GPR176: variants seen among roughly 807,000 people sequenced by gnomAD.
The protein encoded by GPR176 is G protein-coupled receptor 176.
In GPR176, 26 loss-of-function variants were observed where a neutral mutation model predicts 35.4. The observed-to-expected ratio is 0.74, with a 90% CI of 0.54 to 1.02. The LOEUF (loss-of-function observed/expected upper bound fraction) is 1.02. Among genes scored for constraint, GPR176 ranks in the 50% least tolerant of loss-of-function variants. The pLI, the probability that GPR176 is intolerant of heterozygous loss-of-function variation, is 0.00. For missense variants in GPR176, 597 were observed against 665.3 expected, an observed-to-expected ratio of 0.90 and a Z score of 1.13; for synonymous variants, 278 against 271.3, an observed-to-expected ratio of 1.02 and a Z score of -0.24.
intron 1 of GPR176, among the ~76,000 whole-genome samples, chr15:39,899,529 A>G (rs1595518008): frequency 6.6e-6 from 1 of 152,318 alleles, no homozygotes. Flanking sequence ...TACAGATAAT[A>G]AGAAAGGAAC....
At chr15:39,846,079 T>C (rs1195768354) in intron 1 of GPR176, among the ~76,000 whole-genome samples, 1 of 152,170 alleles carries the variant, frequency 6.6e-6, no homozygotes, top group Non-Finnish European at 1.5e-5. Context: ...TTTTTGAAAA[T>C]ATCGTTCTGG....
intron 1 of GPR176, among the ~76,000 whole-genome samples, chr15:39,818,344 T>G (rs558912789): frequency 5.9e-5 from 9 of 152,368 alleles, no homozygotes; most frequent in African/African-American, 1.9e-4. Flanking sequence ...GGAGTTGAAT[T>G]AACAGGAAGA....
chr15:39,920,245 G>T lies in GPR176; in HGVS notation c.-219C>A. The T allele has an allele frequency of 5.1e-6, 2 of 392,026 alleles. No homozygotes were observed. The highest frequency in any genetic ancestry group is 9.0e-6 in the Non-Finnish European group (2 of 221,660). 24.3% of individuals were successfully genotyped at this position (392,026 alleles called of 1,614,324 possible). On this transcript the variant is annotated 5_prime_UTR_variant, in exon 1 of 3. Transcript: ENST00000561100. The stretch of plus-strand genomic sequence containing the variant: ...TGCGCCCCATGCCCACTCCCTCCTG[G>T]ATCCCAGTCAGCAGCCACAAGAAGG...
Position 39,800,788 on chromosome 15 carries a change from G to A in GPR176, c.*344C>T. 4.6e-6 allele frequency: 1 copy of A among 218,634 alleles called. No individual in the cohort carries two copies. The highest frequency in any genetic ancestry group is 9.1e-6 in the Non-Finnish European group (1 of 109,478). 13.5% of individuals were successfully genotyped at this position (218,634 alleles called of 1,614,324 possible). A position where few individuals can be genotyped will look rare whatever the true frequency, so the allele number is the denominator to read the frequency against. ...TGTGAGCTCTGAAAGTCTTCTCTCT[G>A]TGTGTTCTCTGCAGAGCCCAGGGAA... On this transcript the variant is annotated 3_prime_UTR_variant, in exon 3 of 3. Transcript: ENST00000561100.
chr15:39,876,373 T>C (rs1253194963), intron 1 of GPR176, among the ~76,000 whole-genome samples: 1 of 152,094 alleles, frequency 6.6e-6, no homozygotes, highest in Non-Finnish European at 1.5e-5. Context: ...CTTAAATCCA[T>C]TGCTACTACC....
rs367870804 is a variant in GPR176, at chr15:39,810,194, T to C, written c.173-2936A>G. The stretch of plus-strand genomic sequence containing the variant: ...AAATAATCTGTACAACAAACCCCCA[T>C]GGCACATGTTTACCTATGGAACAGA... On this transcript the variant is annotated intron_variant, in intron 1 of 2. Transcript: ENST00000561100. 2.0e-5 allele frequency among the ~76,000 whole-genome samples: 3 copies of C among 150,376 alleles called. No individual in the cohort carries two copies. The East Asian group carries it at 5.8e-4, about 29-fold the overall frequency.
At chr15:39,852,570 A>C (rs1366859489) in intron 1 of GPR176, among the ~76,000 whole-genome samples, 1 of 152,242 alleles carries the variant, frequency 6.6e-6, no homozygotes, top group Non-Finnish European at 1.5e-5. Flanking sequence ...ATGCAAAGTC[A>C]TAGAGGAATC....
intron 1 of GPR176, among the ~76,000 whole-genome samples, chr15:39,876,941 A>G (rs1170653883): frequency 6.6e-6 from 1 of 152,200 alleles, no homozygotes; most frequent in Non-Finnish European, 1.5e-5. Context: ...CTGTTCCTTC[A>G]AAGTAGTCTT....
chr15:39,834,227 T>C (rs534250248), intron 1 of GPR176, among the ~76,000 whole-genome samples: 1 of 152,286 alleles, frequency 6.6e-6, no homozygotes, highest in African/African-American at 2.4e-5. Flanking sequence ...GCTCTGAATA[T>C]TTCCAATTTA....
chr15:39,808,649 G>GT (rs1210662515), intron 1 of GPR176, among the ~76,000 whole-genome samples: 1 of 152,154 alleles, frequency 6.6e-6, no homozygotes, highest in Non-Finnish European at 1.5e-5. Context: ...AAGAAAAACT[G>GT]TATCAATCTT....
At chr15:39,915,457 A>T (rs550627471) in intron 1 of GPR176, among the ~76,000 whole-genome samples, 5 of 152,336 alleles carry the variant, frequency 3.3e-5, no homozygotes, top group East Asian at 3.8e-4. Flanking sequence ...GGGCTTCAAC[A>T]TATGAATTTG....
intron 1 of GPR176, among the ~76,000 whole-genome samples, chr15:39,811,638 G>C (rs1016765805): frequency 6.6e-6 from 1 of 152,020 alleles, no homozygotes; most frequent in East Asian, 1.9e-4. Context: ...TTCCAGATTC[G>C]GGGTGTGGTG....
At chr15:39,803,675 C>A (rs1350688988) in intron 2 of GPR176, among the ~76,000 whole-genome samples, 1 of 152,110 alleles carries the variant, frequency 6.6e-6, no homozygotes, top group Non-Finnish European at 1.5e-5. Context: ...TGTCTCTAAA[C>A]CCAACGGGGA....
At chr15:39,854,160 G>A (rs1485276075) in intron 1 of GPR176, among the ~76,000 whole-genome samples, 1 of 152,034 alleles carries the variant, frequency 6.6e-6, no homozygotes, top group Non-Finnish European at 1.5e-5. Flanking sequence ...CCCAGAGCAA[G>A]ACTTTCCTGA....
chr15:39,919,374 A>G (rs1310417059), intron 1 of GPR176, among the ~76,000 whole-genome samples: 1 of 152,216 alleles, frequency 6.6e-6, no homozygotes, highest in Non-Finnish European at 1.5e-5. Flanking sequence ...AGCACGCAGT[A>G]AAACACGCAC....
chr15:39,812,226 C>G (rs1195146664), intron 1 of GPR176, among the ~76,000 whole-genome samples: 1 of 152,106 alleles, frequency 6.6e-6, no homozygotes, highest in Non-Finnish European at 1.5e-5. Context: ...TTTGGGTGTG[C>G]CTGTGAGGGT....
intron 1 of GPR176, among the ~76,000 whole-genome samples, chr15:39,811,115 T>G (rs1001612295): frequency 6.6e-6 from 1 of 152,232 alleles, no homozygotes; most frequent in Non-Finnish European, 1.5e-5. Context: ...AGCATATAGT[T>G]GGCTCTTGCT....
In GPR176 at chr15:39,857,074, T is replaced by C. The variant is rs1038415290; in HGVS notation, c.173-49816A>G. On this transcript the variant is annotated intron_variant, in intron 1 of 2. Coordinates refer to ENST00000561100, the MANE Select transcript of GPR176 (RefSeq NM_007223.3). ...TTGGTTGAGTTTGGGGAAAGCTGTCTAACTGTATATAGCTCACATAGATGT... is the reference window on the plus strand; with the variant it reads ...TTGGTTGAGTTTGGGGAAAGCTGTCCAACTGTATATAGCTCACATAGATGT... 9.8e-5 allele frequency among the ~76,000 whole-genome samples: 15 copies of C among 152,328 alleles called. No individual in the cohort carries two copies. The East Asian group carries it at 2.9e-3, about 29-fold the overall frequency.
chr15:39,817,068 C>CTCAAAAAAAAAAAAAAA (rs1899958220), intron 1 of GPR176, among the ~76,000 whole-genome samples: 2 of 77,294 alleles, frequency 2.6e-5, no homozygotes, highest in African/African-American at 1.2e-4. Flanking sequence ...GATTCTGTCT[C>CTCAAAAAAAAAAAAAAA]AAAAAAAAAA....
Sources: gnomAD v4.1 joint callset for allele counts (sites outside exome capture counted in the v4.1 genomes callset) on GRCh38, gnomAD v4.1.1 for gene constraint, MANE v1.5 for transcripts, NCBI Gene and HGNC (gene_info 2026-07-23, HGNC 2026-07-21) for gene names.